Variants in PTPRM observed in about 807,000 individuals in gnomAD.
PTPRM encodes the protein receptor-type tyrosine-protein phosphatase mu.
Under a neutral mutation model 186.7 loss-of-function variants are expected in PTPRM, and 47 were observed. The ratio of observed to expected loss-of-function variants is 0.25; its 90% confidence interval spans 0.20 to 0.32. The LOEUF (loss-of-function observed/expected upper bound fraction) is 0.32. PTPRM is among the 10% of genes least tolerant of loss of function. PTPRM has a pLI of 1.00. For missense variants in PTPRM, 1,494 were observed against 1,865.0 expected, an observed-to-expected ratio of 0.80 and a Z score of 3.66; for synonymous variants, 668 against 674.9, an observed-to-expected ratio of 0.99 and a Z score of 0.16.
At chr18:8,326,157 T>C (rs1161265490) in intron 22 of PTPRM, among the ~76,000 whole-genome samples, 2 of 152,216 alleles carry the variant, frequency 1.3e-5, no homozygotes, top group African/African-American at 2.4e-5. Context: ...GTTTTTCTTG[T>C]TGTGCAGAAG....
At chr18:7,715,316 C>A (rs1180891468) in intron 1 of PTPRM, among the ~76,000 whole-genome samples, 2 of 152,140 alleles carry the variant, frequency 1.3e-5, no homozygotes, top group Admixed American at 1.3e-4. Flanking sequence ...CCTCTTCATG[C>A]TAAAAACTCT....
intron 21 of PTPRM, 87 bp downstream of exon 21, chr18:8,314,944 C>A: frequency 3.7e-6 from 3 of 805,464 alleles, no homozygotes; most frequent in Admixed American, 2.5e-5. Flanking sequence ...GTATACAATG[C>A]ATAATGATTA....
At chr18:7,615,851 A>G (rs1353940916) in intron 1 of PTPRM, among the ~76,000 whole-genome samples, 1 of 152,180 alleles carries the variant, frequency 6.6e-6, no homozygotes, top group East Asian at 1.9e-4. Context: ...TTTTCCTGCA[A>G]CTAGACGGTC....
intron 32 of PTPRM, among the ~76,000 whole-genome samples, 182 bp downstream of exon 32, chr18:8,394,793 T>C (rs2095837841): frequency 6.6e-6 from 1 of 152,186 alleles, no homozygotes; most frequent in African/African-American, 2.4e-5. Context: ...CCTCTCTTTG[T>C]TCTTCACACG....
chr18:8,063,065 C>T (rs1268944851), intron 7 of PTPRM, among the ~76,000 whole-genome samples: 23 of 151,322 alleles, frequency 1.5e-4, no homozygotes, highest in Non-Finnish European at 2.9e-5. Context: ...GCCTCGCTGC[C>T]GCCTTGCAGT....
chr18:7,951,963 C>T (rs1314958259), intron 6 of PTPRM, among the ~76,000 whole-genome samples: 1 of 152,192 alleles, frequency 6.6e-6, no homozygotes, highest in Non-Finnish European at 1.5e-5. Flanking sequence ...TGGCCAGCCT[C>T]CCAAATAAAG....
At chr18:7,942,822 A>T (rs1446475965) in intron 5 of PTPRM, among the ~76,000 whole-genome samples, 1 of 152,114 alleles carries the variant, frequency 6.6e-6, no homozygotes, top group African/African-American at 2.4e-5. Context: ...CTCCCCACCC[A>T]GTACTTTGAG....
intron 2 of PTPRM, among the ~76,000 whole-genome samples, chr18:7,776,986 T>TCTC (rs386386989): frequency 4.6e-5 from 7 of 151,668 alleles, no homozygotes; most frequent in Non-Finnish European, 1.0e-4. Context: ...TTCTTTTTCT[T>TCTC]CTCCTCTTCC....
chr18:7,985,973 A>G (rs2082943941), intron 7 of PTPRM, among the ~76,000 whole-genome samples: 1 of 152,132 alleles, frequency 6.6e-6, no homozygotes, highest in Non-Finnish European at 1.5e-5. Flanking sequence ...GTCGGGATAC[A>G]TTTCAAAAAA....
intron 14 of PTPRM, among the ~76,000 whole-genome samples, chr18:8,164,711 A>G (rs2093291692): frequency 6.6e-6 from 1 of 152,210 alleles, no homozygotes; most frequent in African/African-American, 2.4e-5. Context: ...GGCAATGAGG[A>G]ATTGATGTTT....
rs138362612 is a variant in PTPRM at position 8,287,234 on chromosome 18, G to A, written c.2755-9134G>A. On this transcript the variant is annotated intron_variant, in intron 19 of 32. Transcript: ENST00000580170. ...TTTCTTGGAGACAACAGCAAAAACTGGCAGTCAAGTCAGTAAGGATGTACT... is the reference window on the plus strand; with the variant it reads ...TTTCTTGGAGACAACAGCAAAAACTAGCAGTCAAGTCAGTAAGGATGTACT... Among the ~76,000 whole-genome samples, 821 of 152,290 alleles carry A rather than the reference G, an allele frequency of 5.4e-3. 6 individuals are homozygous for A. The highest frequency in any genetic ancestry group is 0.019 in the African/African-American group (786 of 41,542).
rs779498009 is a variant in PTPRM, at chr18:8,319,243, C to CT, written c.2956+32dup. 4 of 1,517,262 alleles carry CT rather than the reference C, an allele frequency of 2.6e-6. No individual in the cohort carries two copies. The South Asian group carries it at 4.7e-5, about 18-fold the overall frequency. 94.0% of individuals were successfully genotyped at this position (1,517,262 alleles called of 1,614,324 possible). ...AGTTTATTTCTACTTTGTTGTCTTT[C>CT]TTTGTTTCTTTTGCCCACTTCCTAT... On this transcript the variant is annotated intron_variant, in intron 22 of 32. Coordinates refer to ENST00000580170, the MANE Select transcript of PTPRM (RefSeq NM_001105244.2).
At chr18:8,161,845 T>C (rs1166260413) in intron 14 of PTPRM, among the ~76,000 whole-genome samples, 1 of 152,136 alleles carries the variant, frequency 6.6e-6, no homozygotes, top group African/African-American at 2.4e-5. Flanking sequence ...TGATAACTGG[T>C]TCTTGCTCAG....
chr18:8,126,546 T>G (rs993760311), intron 13 of PTPRM, among the ~76,000 whole-genome samples: 1 of 152,148 alleles, frequency 6.6e-6, no homozygotes, highest in Non-Finnish European at 1.5e-5. Flanking sequence ...TCTGTTTTCC[T>G]CCTACTCTGC....
chr18:8,285,950 C>G (rs1386854408), intron 19 of PTPRM, among the ~76,000 whole-genome samples: 1 of 152,130 alleles, frequency 6.6e-6, no homozygotes, highest in Non-Finnish European at 1.5e-5. Context: ...GAGATCACAC[C>G]ACTGCACTCC....
At chr18:7,777,227 C>T (rs2042631554) in intron 2 of PTPRM, among the ~76,000 whole-genome samples, 1 of 152,150 alleles carries the variant, frequency 6.6e-6, no homozygotes, top group East Asian at 1.9e-4. Context: ...GGTTCCGTAA[C>T]ACTTTAGAGA....
intron 20 of PTPRM, among the ~76,000 whole-genome samples, chr18:8,298,067 G>A (rs2095116318): frequency 6.6e-6 from 1 of 152,208 alleles, no homozygotes; most frequent in African/African-American, 2.4e-5. Flanking sequence ...CAACCGGGCA[G>A]TCAGATCGCT....
intron 14 of PTPRM, among the ~76,000 whole-genome samples, chr18:8,181,696 A>T (rs2093577271): frequency 6.6e-6 from 1 of 152,212 alleles, no homozygotes; most frequent in African/African-American, 2.4e-5. Flanking sequence ...CATGACACTC[A>T]GTTGAATCAG....
chr18:7,793,629 C>G (rs2043453799), intron 2 of PTPRM, among the ~76,000 whole-genome samples: 1 of 152,054 alleles, frequency 6.6e-6, no homozygotes, highest in Admixed American at 6.6e-5. Flanking sequence ...CTTCCTTATT[C>G]AACAGTGGCT....
Sources: allele counts gnomAD v4.1 joint callset (sites outside exome capture counted in the v4.1 genomes callset), GRCh38; gene constraint gnomAD v4.1.1; transcripts MANE v1.5; gene names NCBI Gene and HGNC (gene_info 2026-07-23, HGNC 2026-07-21).